The following ARHGAP20 variants were observed in gnomAD, a reference collection of about 807,000 sequenced individuals.
The protein encoded by ARHGAP20 is Rho GTPase activating protein 20.
A neutral mutation model predicts 73.7 loss-of-function variants in ARHGAP20; 34 were observed. The ratio of observed to expected loss-of-function variants is 0.46; its 90% CI spans 0.35 to 0.61. The LOEUF (loss-of-function observed/expected upper bound fraction) is 0.61. Among genes scored for constraint, ARHGAP20 ranks in the 20% least tolerant of loss-of-function variants. The probability of loss-of-function intolerance (pLI) is 0.00; values close to 1 mark genes in which losing one functional copy is unlikely to be tolerated. For synonymous variants in ARHGAP20, 523 were observed against 518.2 expected, an observed-to-expected ratio of 1.01 and a Z score of -0.13; for missense variants, 1,314 against 1,420.9, an observed-to-expected ratio of 0.92 and a Z score of 1.21.
chr11:110,671,772 T>C (rs183758632), intron 2 of ARHGAP20, among the ~76,000 whole-genome samples: 1 of 152,222 alleles, frequency 6.6e-6, no homozygotes, highest in Non-Finnish European at 1.5e-5. Flanking sequence ...CAAGATATTA[T>C]AATATCAGTA....
intron 2 of ARHGAP20, among the ~76,000 whole-genome samples, chr11:110,632,457 T>A (rs1292987305): frequency 6.6e-6 from 1 of 152,158 alleles, no homozygotes; most frequent in African/African-American, 2.4e-5. Context: ...CAGGCCGAAG[T>A]GCAGTGGCAT....
chr11:110,630,445 AAAC>A (rs1236366805), intron 3 of ARHGAP20, among the ~76,000 whole-genome samples, 180 bp downstream of exon 3: 1 of 151,926 alleles, frequency 6.6e-6, no homozygotes, highest in East Asian at 1.9e-4. Context: ...GGACCTAAAT[AAAC>A]ACTTGTTGAA....
At chr11:110,703,603 A>C (rs1453500634) in intron 1 of ARHGAP20, among the ~76,000 whole-genome samples, 1 of 151,992 alleles carries the variant, frequency 6.6e-6, no homozygotes, top group African/African-American at 2.4e-5. Flanking sequence ...GTAAACTTTA[A>C]AGTGGTTAAG....
chr11:110,678,008 T>C lies in ARHGAP20; in HGVS notation c.188+12539A>G, dbSNP rs377757960. Among the ~76,000 whole-genome samples the C allele has an allele frequency of 1.8e-4, 28 of 152,134 alleles. No individual in the cohort carries two copies. In the East Asian group the frequency reaches 3.7e-3, roughly 20 times the overall value. ...AATTAATGAATGAATAAACAAAATG[T>C]GGTATACCTATCTATAAAACAGAAA... On this transcript the variant is annotated intron_variant, in intron 2 of 14. Transcript: ENST00000683387.
chr11:110,685,135 C>CA (rs1223427050), intron 2 of ARHGAP20, among the ~76,000 whole-genome samples: 1 of 152,100 alleles, frequency 6.6e-6, no homozygotes, highest in African/African-American at 2.4e-5. Context: ...GGAAAATACA[C>CA]AGTCTTCTGG....
At chr11:110,647,428 G>A (rs1314274769) in intron 2 of ARHGAP20, among the ~76,000 whole-genome samples, 3 of 152,008 alleles carry the variant, frequency 2.0e-5, no homozygotes, top group Non-Finnish European at 1.5e-5. Flanking sequence ...GGGAAGATAG[G>A]ACAGACAAGG....
chr11:110,604,271 C>T (rs112308002), intron 9 of ARHGAP20, among the ~76,000 whole-genome samples: 36 of 152,244 alleles, frequency 2.4e-4, no homozygotes, highest in African/African-American at 8.2e-4. Context: ...ATTTTTTACA[C>T]AGGCATTCTG....
intron 2 of ARHGAP20, among the ~76,000 whole-genome samples, chr11:110,634,047 T>C (rs1295033735): frequency 6.6e-6 from 1 of 152,158 alleles, no homozygotes; most frequent in African/African-American, 2.4e-5. Context: ...AGATGGAGAC[T>C]GGTGAATGAA....
intron 2 of ARHGAP20, among the ~76,000 whole-genome samples, chr11:110,663,815 A>G (rs902765327): frequency 6.6e-6 from 1 of 152,228 alleles, no homozygotes; most frequent in African/African-American, 2.4e-5. Flanking sequence ...GTGCAGAACC[A>G]ACACCTCTCA....
chr11:110,678,850 A>G (rs1949984168), intron 2 of ARHGAP20, among the ~76,000 whole-genome samples: 1 of 151,918 alleles, frequency 6.6e-6, no homozygotes, highest in Admixed American at 6.6e-5. Flanking sequence ...TTTTTTGTAG[A>G]AACAGGGTTT....
chr11:110,621,840 G>A (rs976379960), intron 4 of ARHGAP20, among the ~76,000 whole-genome samples: 15 of 152,182 alleles, frequency 9.9e-5, no homozygotes, highest in Non-Finnish European at 5.9e-5. Context: ...TTGTTTTGGA[G>A]ACTGTATTCT....
intron 2 of ARHGAP20, among the ~76,000 whole-genome samples, chr11:110,683,400 A>T (rs1475525017): frequency 6.6e-6 from 1 of 152,166 alleles, no homozygotes; most frequent in Non-Finnish European, 1.5e-5. Context: ...GCCAATGAAA[A>T]AGCAAAGTGT....
chr11:110,691,150 C>CT, intron 1 of ARHGAP20: 1 of 520,876 alleles, frequency 1.9e-6, no homozygotes, highest in Non-Finnish European at 3.2e-6. Flanking sequence ...TCCAAATAGA[C>CT]TTTTTTAAAA....
chr11:110,600,406 AG>A (rs1948081803), intron 9 of ARHGAP20, among the ~76,000 whole-genome samples: 1 of 152,216 alleles, frequency 6.6e-6, no homozygotes, highest in African/African-American at 2.4e-5. Context: ...CCTCACAGAC[AG>A]CCAGCACCCA....
intron 2 of ARHGAP20, among the ~76,000 whole-genome samples, chr11:110,641,753 A>G (rs1246764704): frequency 2.6e-5 from 4 of 152,088 alleles, no homozygotes; most frequent in African/African-American, 9.7e-5. Flanking sequence ...ATTATGAAAG[A>G]ATGAGAAGAA....
chr11:110,589,296 C>G, intron 11 of ARHGAP20: 4 of 629,038 alleles, frequency 6.4e-6, no homozygotes, highest in Non-Finnish European at 7.9e-6. Context: ...TTAGCTTCAA[C>G]CCTCCAGTTC....
rs1468984452 is a variant in ARHGAP20, at chr11:110,616,440, A to C, written c.504-846T>G. On this transcript the variant is annotated intron_variant, in intron 4 of 14. Coordinates refer to ENST00000683387, the MANE Select transcript of ARHGAP20 (RefSeq NM_001384657.1). ...TGGGCTGGAGTATAGAGGCATGATCATGGCTCACTGTAGGCTTGAACTCCT... is the reference window on the plus strand; with the variant it reads ...TGGGCTGGAGTATAGAGGCATGATCCTGGCTCACTGTAGGCTTGAACTCCT... Among the ~76,000 whole-genome samples, 4 of 152,210 alleles carry C rather than the reference A, an allele frequency of 2.6e-5. No homozygotes were observed. The South Asian group carries it at 8.3e-4, about 32-fold the overall frequency.
Position 110,712,386 on chromosome 11 carries a change from C to A in ARHGAP20, c.-155G>T, listed in dbSNP as rs1950687163. 3 of 459,556 alleles carry A rather than the reference C, an allele frequency of 6.5e-6. No individual in the cohort carries two copies. In the South Asian group the frequency reaches 3.3e-4, roughly 51 times the overall value. 28.5% of individuals were successfully genotyped at this position (459,556 alleles called of 1,614,324 possible). On this transcript the variant is annotated 5_prime_UTR_variant, in exon 1 of 15. Coordinates refer to ENST00000683387, the MANE Select transcript of ARHGAP20 (RefSeq NM_001384657.1). The stretch of plus-strand genomic sequence containing the variant: ...CGGGTGCTCGCCGCGCGCCTCCCGT[C>A]GGGGCCATGTACCTCCGCCTGCGCT...
chr11:110,594,838 A>C (rs1383809847), intron 9 of ARHGAP20, among the ~76,000 whole-genome samples: 2 of 152,136 alleles, frequency 1.3e-5, no homozygotes, highest in Non-Finnish European at 2.9e-5. Flanking sequence ...CACAACAAAA[A>C]AAAAAAGAGC....
Sources: gnomAD v4.1 joint callset for allele counts (sites outside exome capture counted in the v4.1 genomes callset) on GRCh38, gnomAD v4.1.1 for gene constraint, MANE v1.5 for transcripts, NCBI Gene and HGNC (gene_info 2026-07-23, HGNC 2026-07-21) for gene names.